Variants in SUCLG2 observed in about 807,000 individuals in gnomAD.
SUCLG2 encodes the protein succinate--CoA ligase [GDP-forming] subunit beta, mitochondrial.
SUCLG2 carries 42 observed loss-of-function variants against 47.9 expected under a neutral mutation model. The observed-to-expected ratio is 0.88, with a 90% CI of 0.69 to 1.14. The LOEUF is 1.14. Ranked by LOEUF, SUCLG2 falls within the 50% of genes most tolerant of loss-of-function variation. SUCLG2 has a pLI of 0.00. For missense variants in SUCLG2, 571 were observed against 525.9 expected (o/e 1.09, Z -0.84); for synonymous variants, 195 against 197.3 (o/e 0.99, Z 0.10).
At chr3:67,397,183 C>A (rs2106805072) in intron 10 of SUCLG2, among the ~76,000 whole-genome samples, 1 of 152,068 alleles carries the variant, frequency 6.6e-6, no homozygotes, top group Non-Finnish European at 1.5e-5. Flanking sequence ...GGCAATTAGG[C>A]AGGAGAAGGA....
intron 2 of SUCLG2, among the ~76,000 whole-genome samples, chr3:67,604,102 C>G (rs890855315): frequency 1.3e-5 from 2 of 152,158 alleles, no homozygotes; most frequent in African/African-American, 2.4e-5. Context: ...ATTTTCTATG[C>G]AAGAAAATGA....
At chr3:67,451,452 C>G (rs547805040) in intron 9 of SUCLG2, among the ~76,000 whole-genome samples, 63 of 152,166 alleles carry the variant, frequency 4.1e-4, no homozygotes, top group Non-Finnish European at 7.2e-4. Context: ...AAAAGAGTGA[C>G]AAAACAAAAA....
At chr3:67,643,237 G>A (rs1701133314) in intron 1 of SUCLG2, among the ~76,000 whole-genome samples, 1 of 152,172 alleles carries the variant, frequency 6.6e-6, no homozygotes, top group Non-Finnish European at 1.5e-5. Context: ...CATTTATTCT[G>A]TGACTTAAAC....
intron 10 of SUCLG2, among the ~76,000 whole-genome samples, chr3:67,396,648 G>A (rs1185687276): frequency 1.3e-5 from 2 of 152,080 alleles, no homozygotes; most frequent in African/African-American, 2.4e-5. Context: ...TAGAAAAAGA[G>A]GGAATCCTCC....
At chr3:67,430,503 G>T (rs1258244308) in intron 9 of SUCLG2, among the ~76,000 whole-genome samples, 1 of 152,156 alleles carries the variant, frequency 6.6e-6, no homozygotes, top group African/African-American at 2.4e-5. Flanking sequence ...AAGCAGGAAA[G>T]ATCCAAAATT....
rs372575700 is a variant in SUCLG2 at position 67,446,354 on chromosome 3, TAAA to T, written c.1063-45506_1063-45504del. 4.0e-4 allele frequency among the ~76,000 whole-genome samples: 7 copies of T among 17,406 alleles called. 2 individuals carry two copies. Among genetic ancestry groups the T allele is most frequent in the East Asian group, 3.9e-3 (2 of 514 alleles). The allele number at this position is 17,406 out of a possible 152,430, so 11.4% of individuals were successfully genotyped here. A position where few individuals can be genotyped will look rare whatever the true frequency, so the allele number is the denominator to read the frequency against. On this transcript the variant is annotated intron_variant, in intron 9 of 10. Coordinates refer to ENST00000307227, the MANE Select transcript of SUCLG2 (RefSeq NM_003848.4). ...TAATGCTGCTATAAACATTTGTATATAAAAAAAAAAAAAAAAAAAAAGAAATTA... is the reference window on the plus strand; with the variant it reads ...TAATGCTGCTATAAACATTTGTATATAAAAAAAAAAAAAAAAAAGAAATTA...
At chr3:67,625,854 CCAAGCTGCTATATT>C (rs745448451) in intron 1 of SUCLG2, among the ~76,000 whole-genome samples, 62 of 152,070 alleles carry the variant, frequency 4.1e-4, no homozygotes, top group Middle Eastern at 6.8e-3. Context: ...GCTGTCTAAA[CCAAGCTGCTATATT>C]CATAGCAGCA....
chr3:67,397,069 C>T (rs2106804794), intron 10 of SUCLG2, among the ~76,000 whole-genome samples: 1 of 151,320 alleles, frequency 6.6e-6, no homozygotes, highest in East Asian at 1.9e-4. Context: ...CAATATCATA[C>T]TGAATGGGCA....
intron 7 of SUCLG2, among the ~76,000 whole-genome samples, chr3:67,498,692 A>G (rs1705416104): frequency 6.6e-6 from 1 of 152,126 alleles, no homozygotes. Context: ...ACTAGACAAT[A>G]TTATTAATTA....
chr3:67,517,533 C>A (rs1362843288), intron 6 of SUCLG2, among the ~76,000 whole-genome samples: 2 of 152,064 alleles, frequency 1.3e-5, no homozygotes, highest in Non-Finnish European at 2.9e-5. Flanking sequence ...AGGAAGCTTG[C>A]CCCACTAGAC....
At chr3:67,536,163 C>T (rs1706536726) in intron 2 of SUCLG2, among the ~76,000 whole-genome samples, 1 of 152,172 alleles carries the variant, frequency 6.6e-6, no homozygotes, top group African/African-American at 2.4e-5. Flanking sequence ...GGTGTGCACA[C>T]ACTCATATCC....
chr3:67,619,600 T>C (rs1700696556), intron 1 of SUCLG2, among the ~76,000 whole-genome samples: 1 of 152,046 alleles, frequency 6.6e-6, no homozygotes, highest in African/African-American at 2.4e-5. Context: ...GAAAGAGAGG[T>C]TGCTGGATCG....
intron 9 of SUCLG2, among the ~76,000 whole-genome samples, chr3:67,407,204 C>T (rs1035581842): frequency 3.9e-4 from 59 of 152,232 alleles, no homozygotes; most frequent in African/African-American, 1.4e-3. Flanking sequence ...CAGATTTGGC[C>T]CACAGGTCAT....
chr3:67,506,312 A>C (rs1279032364), intron 7 of SUCLG2, among the ~76,000 whole-genome samples: 1 of 152,244 alleles, frequency 6.6e-6, no homozygotes, highest in Non-Finnish European at 1.5e-5. Context: ...ACTACTGCTC[A>C]TTAGAGTTAT....
At chr3:67,597,677 C>T (rs191085133) in intron 2 of SUCLG2, among the ~76,000 whole-genome samples, 40 of 152,206 alleles carry the variant, frequency 2.6e-4, no homozygotes, top group Admixed American at 5.9e-4. Context: ...CAGTGGCTCA[C>T]GTCTGTGGTC....
intron 9 of SUCLG2, among the ~76,000 whole-genome samples, chr3:67,453,734 T>C (rs1341898680): frequency 6.6e-6 from 1 of 152,224 alleles, no homozygotes; most frequent in Admixed American, 6.5e-5. Context: ...ACTCTTGATA[T>C]TCCTTAATAG....
At chr3:67,618,912 T>A (rs1182619619) in intron 1 of SUCLG2, among the ~76,000 whole-genome samples, 3 of 152,198 alleles carry the variant, frequency 2.0e-5, no homozygotes, top group African/African-American at 7.2e-5. Context: ...GAGTTATTCT[T>A]CACAGGACAT....
Position 67,537,672 on chromosome 3 carries a change from T to C in SUCLG2, c.227-8486A>G, listed in dbSNP as rs531386194. ...CTCTCTTCTACAATGGTTGAACTAA[T>C]TTACACTCCCATCAACAGTGTAGAA... On this transcript the variant is annotated intron_variant, in intron 2 of 10. Transcript: ENST00000307227. Among the ~76,000 whole-genome samples the C allele has an allele frequency of 2.6e-5, 4 of 152,352 alleles. No homozygotes were observed. In the South Asian group the frequency reaches 8.3e-4, roughly 32 times the overall value.
chr3:67,479,849 T>C (rs1483036032), intron 9 of SUCLG2, among the ~76,000 whole-genome samples: 1 of 152,194 alleles, frequency 6.6e-6, no homozygotes, highest in Non-Finnish European at 1.5e-5. Context: ...ATAAAAGTCC[T>C]CCATGAGGGA....
Sources: allele counts gnomAD v4.1 joint callset (sites outside exome capture counted in the v4.1 genomes callset), GRCh38; gene constraint gnomAD v4.1.1; transcripts MANE v1.5; gene names NCBI Gene and HGNC (gene_info 2026-07-23, HGNC 2026-07-21).